The following PLEKHA6 variants were observed in gnomAD, a reference collection of about 807,000 sequenced individuals.
PLEKHA6 encodes pleckstrin homology domain containing A6.
In PLEKHA6, 60 loss-of-function variants were observed where a neutral mutation model predicts 116.7. The ratio of observed to expected loss-of-function variants is 0.51; its 90% confidence interval spans 0.42 to 0.64. The LOEUF is 0.64. Among genes scored for constraint, PLEKHA6 ranks in the 30% least tolerant of loss-of-function variants. The pLI, the probability that PLEKHA6 is intolerant of heterozygous loss-of-function variation, is 0.00. For synonymous variants in PLEKHA6, 489 were observed against 556.1 expected, an observed-to-expected ratio of 0.88 and a Z score of 1.70; for missense variants, 1,338 against 1,422.7, an observed-to-expected ratio of 0.94 and a Z score of 0.96.
chr1:204,340,095 G>C (rs1558190619), intron 1 of PLEKHA6, among the ~76,000 whole-genome samples: 2 of 152,152 alleles, frequency 1.3e-5, no homozygotes, highest in Non-Finnish European at 2.9e-5. Flanking sequence ...ATGGGGTCAT[G>C]ACCGCATGAG....
At chr1:204,258,532 C>G (rs1488227753) in intron 8 of PLEKHA6, among the ~76,000 whole-genome samples, 1 of 152,204 alleles carries the variant, frequency 6.6e-6, no homozygotes, top group African/African-American at 2.4e-5. Flanking sequence ...AGGCACCAGA[C>G]CACCAGCAAT....
chr1:204,268,056 C>T (rs1462429566), intron 4 of PLEKHA6, 152 bp downstream of exon 4: 1 of 544,618 alleles, frequency 1.8e-6, no homozygotes, highest in East Asian at 3.1e-5. Flanking sequence ...TACTCAGTTT[C>T]TCTGAGCCTT....
intron 3 of PLEKHA6, among the ~76,000 whole-genome samples, chr1:204,269,803 C>T (rs2102870422): frequency 6.6e-6 from 1 of 152,286 alleles, no homozygotes; most frequent in East Asian, 1.9e-4. Context: ...CGATCATCTC[C>T]TCTCAAATAT....
At chr1:204,325,777 C>T (rs1672220325) in intron 1 of PLEKHA6, 1 of 314,344 alleles carries the variant, frequency 3.2e-6, no homozygotes, top group African/African-American at 2.2e-5. Context: ...ACCCAGGAGG[C>T]CTTGGCGCAA....
intron 1 of PLEKHA6, among the ~76,000 whole-genome samples, chr1:204,376,492 A>G (rs1673873805): frequency 6.6e-6 from 1 of 152,256 alleles, no homozygotes; most frequent in Non-Finnish European, 1.5e-5. Context: ...TACAACATCA[A>G]TTATGATCAT....
rs577121557 is a variant in PLEKHA6 at position 204,296,282 on chromosome 1, C to T, written c.-94-21473G>A. ...GTGTGTTTCGTGGCCTCCTGGTTCC[C>T]GTCTCAGCACTATTTCTCTTTCCTC... On this transcript the variant is annotated intron_variant, in intron 1 of 22. Transcript: ENST00000272203. Among the ~76,000 whole-genome samples the T allele has an allele frequency of 5.3e-5, 8 of 152,252 alleles. No homozygotes were observed. In the South Asian group the frequency reaches 1.5e-3, roughly 28 times the overall value.
chr1:204,260,760 C>T (rs748058204), intron 7 of PLEKHA6, among the ~76,000 whole-genome samples: 80 of 152,178 alleles, frequency 5.3e-4, no homozygotes, highest in African/African-American at 1.5e-3. Context: ...CCGTGGGTGA[C>T]GGCGGGCGAT....
intron 17 of PLEKHA6, among the ~76,000 whole-genome samples, chr1:204,234,884 C>T (rs550801691): frequency 6.7e-6 from 1 of 148,844 alleles, no homozygotes; most frequent in South Asian, 2.2e-4. Flanking sequence ...GCTCTCCTTG[C>T]TCCTCAGCTT....
chr1:204,364,837 T>C (rs1329441705), upstream of PLEKHA6, among the ~76,000 whole-genome samples: 1 of 152,082 alleles, frequency 6.6e-6, no homozygotes, highest in Non-Finnish European at 1.5e-5. Flanking sequence ...ACTCTAGGGG[T>C]AGGGCCCAGC....
rs552857864 is a variant in PLEKHA6 at position 204,253,202 on chromosome 1, T to C, written c.1525-2588A>G. ...CGATGCCTGACAAAGAGCTCACATA[T>C]GCACCCCTGCTTGATTCTCCCAATA... On this transcript the variant is annotated intron_variant, in intron 9 of 22. Transcript: ENST00000272203. Among the ~76,000 whole-genome samples, 10 of 152,272 alleles carry C rather than the reference T, an allele frequency of 6.6e-5. No homozygotes were observed. In the East Asian group the frequency reaches 1.9e-3, roughly 29 times the overall value.
At chr1:204,255,610 C>CA in intron 9 of PLEKHA6, 1 of 702,704 alleles carries the variant, frequency 1.4e-6, no homozygotes, top group Non-Finnish European at 2.6e-6. Context: ...ATAAGGGGGG[C>CA]ACCAGCTCTG....
intron 1 of PLEKHA6, among the ~76,000 whole-genome samples, chr1:204,335,298 A>C (rs921584743): frequency 6.6e-6 from 1 of 151,884 alleles, no homozygotes; most frequent in East Asian, 1.9e-4. Flanking sequence ...GCAGCTGGGC[A>C]GGGGGGTGTT....
intron 1 of PLEKHA6, among the ~76,000 whole-genome samples, chr1:204,291,552 G>C (rs563331987): frequency 6.6e-6 from 1 of 152,276 alleles, no homozygotes; most frequent in East Asian, 1.9e-4. Context: ...TGGGTACAAC[G>C]TATGTGTTAC....
chr1:204,319,597 G>A (rs1348688952), intron 1 of PLEKHA6, among the ~76,000 whole-genome samples: 6 of 152,216 alleles, frequency 3.9e-5, no homozygotes, highest in East Asian at 3.9e-4. Context: ...CCTCCTGTGC[G>A]CTTTGTCTGT....
At chr1:204,296,488 C>T (rs1670289498) in intron 1 of PLEKHA6, among the ~76,000 whole-genome samples, 1 of 152,196 alleles carries the variant, frequency 6.6e-6, no homozygotes, top group Non-Finnish European at 1.5e-5. Context: ...AGAGTCCCTC[C>T]CCACTCCCCT....
chr1:204,311,282 G>A (rs561112881), intron 1 of PLEKHA6, among the ~76,000 whole-genome samples: 3 of 152,222 alleles, frequency 2.0e-5, no homozygotes, highest in East Asian at 3.9e-4. Flanking sequence ...ACCTGAGGTC[G>A]GGAGTTTGAA....
intron 2 of PLEKHA6, among the ~76,000 whole-genome samples, chr1:204,274,157 C>T (rs1003913694): frequency 4.0e-5 from 6 of 151,884 alleles, no homozygotes; most frequent in Non-Finnish European, 8.8e-5. Flanking sequence ...GTCTTAAACT[C>T]CTGGACCCAA....
intron 2 of PLEKHA6, chr1:204,369,253 T>A (rs569526610): frequency 2.0e-5 from 3 of 152,322 alleles, no homozygotes; most frequent in African/African-American, 7.2e-5. Flanking sequence ...TCCGAAACAT[T>A]TTCGCCGATA....
At chr1:204,354,713 T>G (rs2103374354) in intron 1 of PLEKHA6, among the ~76,000 whole-genome samples, 1 of 152,344 alleles carries the variant, frequency 6.6e-6, no homozygotes, top group South Asian at 2.1e-4. Flanking sequence ...CAGATGAGCC[T>G]TCTCTCCATG....
Sources: allele counts gnomAD v4.1 joint callset (sites outside exome capture counted in the v4.1 genomes callset), GRCh38; gene constraint gnomAD v4.1.1; transcripts MANE v1.5; gene names NCBI Gene and HGNC (gene_info 2026-07-23, HGNC 2026-07-21).